SLC18A1: variants seen among roughly 807,000 people sequenced by gnomAD.
SLC18A1 encodes chromaffin granule amine transporter.
SLC18A1 carries 69 observed loss-of-function variants against 53.7 expected under a neutral mutation model. The observed-to-expected ratio is 1.28, with a 90% CI of 1.06 to 1.57. The LOEUF (loss-of-function observed/expected upper bound fraction) is 1.57. SLC18A1 is among the 40% of genes most tolerant of loss of function. The probability of loss-of-function intolerance (pLI) is 0.00; values close to 1 mark genes in which losing one functional copy is unlikely to be tolerated. For missense variants in SLC18A1, 932 were observed against 668.1 expected (o/e 1.40, Z -4.35); for synonymous variants, 320 against 248.1 (o/e 1.29, Z -2.72).
At chr8:20,171,259 CTTCT>C in intron 7 of SLC18A1, 113 bp from the exon 8 acceptor site, 1 of 1,376,146 alleles carries the variant, frequency 7.3e-7, no homozygotes, top group Admixed American at 1.7e-5. Flanking sequence ...CCCTGAGTTT[CTTCT>C]TTCTTTTCTA....
At chr8:20,177,160 A>G (rs2072272850) in intron 4 of SLC18A1, among the ~76,000 whole-genome samples, 2 of 152,240 alleles carry the variant, frequency 1.3e-5, no homozygotes, top group South Asian at 4.1e-4. Context: ...AGTTCCATGA[A>G]CAGTGCTAAT....
chr8:20,155,976 C>G (rs996732867), intron 10 of SLC18A1, among the ~76,000 whole-genome samples: 1 of 152,252 alleles, frequency 6.6e-6, no homozygotes, highest in Non-Finnish European at 1.5e-5. Flanking sequence ...ACTCTCCTCT[C>G]TCAATTTCTA....
rs756173855 is a variant in SLC18A1, at chr8:20,179,213, C to G, written c.396G>C (p.Leu132Phe). 1 of 1,614,168 alleles carries G rather than the reference C, an allele frequency of 6.2e-7. No homozygotes were observed. The highest frequency in any genetic ancestry group is 2.2e-5 in the East Asian group (1 of 44,876). ...KNNCLQGTGF[L>F]EEEITRVGVL... ...CCCCGACCCGGGTAATCTCTTCCTC[C>G]AAGAAACCTGTGCCTTGCAAGCAGT... Residue 132 changes from leucine (L) to phenylalanine (F), a missense_variant, in exon 3 of 16, where the codon TTG (leucine) becomes TTC (phenylalanine). Physicochemically the swap from Leu to Phe is conservative, Grantham distance 22. Coordinates refer to ENST00000276373, the MANE Select transcript of SLC18A1 (RefSeq NM_003053.4).
At chr8:20,173,162 T>G in intron 5 of SLC18A1, 34 bp from the exon 6 acceptor site, 1 of 1,503,164 alleles carries the variant, frequency 6.7e-7, no homozygotes, top group Non-Finnish European at 9.0e-7. Flanking sequence ...GCTGGCCCCC[T>G]GGGGGGCTTC....
chr8:20,149,768 G>A (rs746823749), intron 11 of SLC18A1, 41 bp from the exon 12 acceptor site: 1 of 1,578,498 alleles, frequency 6.3e-7, no homozygotes, highest in Non-Finnish European at 8.7e-7. Flanking sequence ...CTAGGGGAGA[G>A]CTCCCCTCCA....
In SLC18A1 at chr8:20,180,910, A is replaced by G; in HGVS notation, c.55T>C (p.Ser19Pro). ...PQRLLKEGRA[S>P]RQLVLVVVFV... Reference sequence around the variant, plus strand: ...ACCACCACCAGCACCAGCTGCCGGGACGCTCTCCCCTCCTTCAGCAACCGC... The same window carrying G: ...ACCACCACCAGCACCAGCTGCCGGGGCGCTCTCCCCTCCTTCAGCAACCGC... Residue 19 changes from serine (S) to proline (P), a missense_variant, in exon 2 of 16, where the codon TCC becomes CCC. By Grantham distance (74) the Ser-to-Pro change is moderately conservative (BLOSUM62 -1). Transcript: ENST00000276373. The G allele has an allele frequency of 6.2e-7, 1 of 1,611,712 alleles. No individual in the cohort carries two copies. The highest frequency in any genetic ancestry group is 1.1e-5 in the South Asian group (1 of 90,646).
In SLC18A1 at chr8:20,149,798, A is replaced by G. The variant is rs1184534657; in HGVS notation, c.1095-71T>C. 10 of 1,429,870 alleles carry G rather than the reference A, an allele frequency of 7.0e-6. No individual in the cohort carries two copies. The East Asian group carries it at 1.8e-4, about 26-fold the overall frequency. 88.6% of individuals were successfully genotyped at this position (1,429,870 alleles called of 1,614,324 possible). A position where few individuals can be genotyped will look rare whatever the true frequency, so the allele number is the denominator to read the frequency against. The stretch of plus-strand genomic sequence containing the variant: ...CCTCCACCTGTACCCCATCACCGCC[A>G]TGCTGACCTGTCCCACCAGCCCTAA... On this transcript the variant is annotated intron_variant, in intron 11 of 15. Coordinates refer to ENST00000276373, the MANE Select transcript of SLC18A1 (RefSeq NM_003053.4).
chr8:20,180,148 C>G lies in SLC18A1; in HGVS notation c.125-664G>C, dbSNP rs1003901978. ...TGTGTGTGTGTGTGTGTGTGTTTCCCTGGGAGCAATGATTCAGTATTCACT... is the reference window on the plus strand; with the variant it reads ...TGTGTGTGTGTGTGTGTGTGTTTCCGTGGGAGCAATGATTCAGTATTCACT... On this transcript the variant is annotated intron_variant, in intron 2 of 15. Coordinates refer to ENST00000276373, the MANE Select transcript of SLC18A1 (RefSeq NM_003053.4). Among the ~76,000 whole-genome samples, 26 of 76,298 alleles carry G rather than the reference C, an allele frequency of 3.4e-4. 1 individual carries two copies. In the East Asian group the frequency reaches 9.2e-3, roughly 27 times the overall value. 50.1% of individuals were successfully genotyped at this position (76,298 alleles called of 152,430 possible). A position where few individuals can be genotyped will look rare whatever the true frequency, so the allele number is the denominator to read the frequency against.
At position 20,181,105 on chromosome 8, in the gene SLC18A1, G is replaced by A; in HGVS notation, c.-123-18C>T. On this transcript the variant is annotated intron_variant, in intron 1 of 15. Coordinates refer to ENST00000276373, the MANE Select transcript of SLC18A1 (RefSeq NM_003053.4). The stretch of plus-strand genomic sequence containing the variant: ...GAAACTCACTATTAAAACGAAAAGT[G>A]CAAAGGGTTGCAAGTAGTAGGATGA... 1 of 864,278 alleles carries A rather than the reference G, an allele frequency of 1.2e-6. No homozygotes were observed. Among genetic ancestry groups the A allele is most frequent in the South Asian group, 1.8e-5 (1 of 55,024 alleles). 53.5% of individuals were successfully genotyped at this position (864,278 alleles called of 1,614,324 possible).
chr8:20,169,397 T>C (rs541525562), intron 8 of SLC18A1, among the ~76,000 whole-genome samples: 39 of 152,104 alleles, frequency 2.6e-4, no homozygotes, highest in Middle Eastern at 3.4e-3. Context: ...CACGGCAAAT[T>C]AGACTAAAGT....
intron 10 of SLC18A1, 27 bp from the exon 11 acceptor site, chr8:20,150,771 T>C: frequency 6.3e-7 from 1 of 1,596,048 alleles, no homozygotes. Flanking sequence ...ATCCTTACCT[T>C]AGGACATGTC....
chr8:20,149,798 A>T, intron 11 of SLC18A1, 71 bp from the exon 12 acceptor site: 1 of 1,429,988 alleles, frequency 7.0e-7, no homozygotes, highest in Non-Finnish European at 9.8e-7. Flanking sequence ...CATCACCGCC[A>T]TGCTGACCTG....
intron 8 of SLC18A1, among the ~76,000 whole-genome samples, 163 bp downstream of exon 8, chr8:20,170,940 C>G (rs1156397697): frequency 6.6e-6 from 1 of 152,232 alleles, no homozygotes; most frequent in African/African-American, 2.4e-5. Context: ...CTATCCCCCA[C>G]ACTACCTGAA....
intron 2 of SLC18A1, among the ~76,000 whole-genome samples, 191 bp downstream of exon 2, chr8:20,180,650 T>C (rs2072401641): frequency 6.6e-6 from 1 of 152,196 alleles, no homozygotes; most frequent in African/African-American, 2.4e-5. Flanking sequence ...CTGAGTCTTT[T>C]AGCTGTGTTT....
chr8:20,150,862 G>C, intron 10 of SLC18A1, 118 bp from the exon 11 acceptor site: 2 of 891,764 alleles, frequency 2.2e-6, no homozygotes, highest in Non-Finnish European at 3.6e-6. Context: ...AAACCACTTT[G>C]TTTTATGATC....
intron 4 of SLC18A1, among the ~76,000 whole-genome samples, chr8:20,177,354 A>C (rs2072277117): frequency 6.6e-6 from 1 of 152,178 alleles, no homozygotes. Flanking sequence ...AAAGTTGAGG[A>C]AGAGGAAGAC....
At position 20,180,958 on chromosome 8, in the gene SLC18A1, G is replaced by A. The variant is rs372918747; in HGVS notation, c.7C>T (p.Arg3Trp). ...CGCTGGGGAGCATCCAGAATGGTCC[G>A]GAGCATGGTGATGGCCGGACTGGGG... ML[R>W]TILDAPQRLL... is the part of the protein sequence containing the mutation. The change falls in exon 2 of 16, where the codon CGG becomes TGG. Residue 3 changes from arginine to tryptophan, a missense_variant. Transcript: ENST00000276373. 50 of 1,571,250 alleles carry A rather than the reference G, an allele frequency of 3.2e-5. No individual in the cohort carries two copies. The highest frequency in any genetic ancestry group is 9.5e-5 in the Admixed American group (5 of 52,686).
intron 2 of SLC18A1, 64 bp downstream of exon 2, chr8:20,180,777 G>A (rs2072404900): frequency 2.5e-6 from 4 of 1,598,926 alleles, no homozygotes; most frequent in Non-Finnish European, 3.4e-6. Flanking sequence ...ACTCAAGCAG[G>A]GTGTACACTG....
chr8:20,172,998 A>T, intron 6 of SLC18A1, 38 bp downstream of exon 6: 1 of 1,295,926 alleles, frequency 7.7e-7, no homozygotes, highest in Non-Finnish European at 1.1e-6. Flanking sequence ...CTAGAGTCCC[A>T]CCCTCCCGAA....
Sources: allele counts gnomAD v4.1 joint callset (sites outside exome capture counted in the v4.1 genomes callset), GRCh38; gene constraint gnomAD v4.1.1; transcripts MANE v1.5; gene names NCBI Gene and HGNC (gene_info 2026-07-23, HGNC 2026-07-21).